DIAPH1: variants seen among roughly 807,000 people sequenced by gnomAD.
The protein encoded by DIAPH1 is protein diaphanous homolog 1.
Under a neutral mutation model 140.7 loss-of-function variants are expected in DIAPH1, and 46 were observed. The ratio of observed to expected loss-of-function variants is 0.33; its 90% CI spans 0.26 to 0.42. The LOEUF (loss-of-function observed/expected upper bound fraction) is 0.42, where lower values mean the gene tolerates loss of function less well. DIAPH1 is among the 10% of genes least tolerant of loss of function. DIAPH1 has a pLI of 1.00. For synonymous variants in DIAPH1, 565 were observed against 551.6 expected, an observed-to-expected ratio of 1.02 and a Z score of -0.34; for missense variants, 1,310 against 1,558.7, an observed-to-expected ratio of 0.84 and a Z score of 2.69.
chr5:141,534,033 CAAAAAAAAAAA>C (rs35815835), intron 19 of DIAPH1, among the ~76,000 whole-genome samples: 3 of 49,984 alleles, frequency 6.0e-5, no homozygotes, highest in South Asian at 1.0e-3. Flanking sequence ...GACTGTGTCT[CAAAAAAAAAAA>C]AAAAAAAAAA....
intron 19 of DIAPH1, 106 bp from the exon 20 acceptor site, chr5:141,529,803 G>C: frequency 1.0e-6 from 1 of 985,944 alleles, no homozygotes; most frequent in Non-Finnish European, 1.6e-6. Flanking sequence ...GCTCTTTTAG[G>C]CCAGGCACAG....
chr5:141,566,068 GAA>G (rs1404830885), intron 18 of DIAPH1, among the ~76,000 whole-genome samples: 6 of 152,342 alleles, frequency 3.9e-5, no homozygotes, highest in Non-Finnish European at 5.9e-5. Context: ...TTAGCTCAGG[GAA>G]AGAGTGAAGT....
chr5:141,566,120 A>C (rs1269033468), intron 18 of DIAPH1, among the ~76,000 whole-genome samples: 1 of 152,206 alleles, frequency 6.6e-6, no homozygotes, highest in Non-Finnish European at 1.5e-5. Flanking sequence ...GGTAGGACAA[A>C]TGGATTAGCG....
chr5:141,521,271 T>C (rs2099886497), intron 27 of DIAPH1, among the ~76,000 whole-genome samples: 1 of 152,204 alleles, frequency 6.6e-6, no homozygotes, highest in Non-Finnish European at 1.5e-5. Context: ...AATTTCTTTC[T>C]TCCCTTGGCT....
rs574463764 is a variant in DIAPH1, at chr5:141,534,221, A to G, written c.2581+114T>C. 171 of 823,336 alleles carry G rather than the reference A, an allele frequency of 2.1e-4. No individual in the cohort carries two copies. In the East Asian group the frequency reaches 4.3e-3, roughly 21 times the overall value. 51.0% of individuals were successfully genotyped at this position (823,336 alleles called of 1,614,324 possible). A position where few individuals can be genotyped will look rare whatever the true frequency, so the allele number is the denominator to read the frequency against. On this transcript the variant is annotated intron_variant, in intron 19 of 27. Transcript: ENST00000389054. ...ATTCACTGTGCAATGGTTGGTATAT[A>G]GCAGGAATTGAACAATTAAAGTTCC...
intron 18 of DIAPH1, chr5:141,564,179 T>C (rs2099894027): frequency 6.6e-6 from 1 of 152,242 alleles, no homozygotes; most frequent in Non-Finnish European, 1.5e-5. Flanking sequence ...TTGAAAATAC[T>C]AGCTGCAACA....
rs978344649 is a variant in DIAPH1 at position 141,562,625 on chromosome 5, A to G, written c.2482+8803T>C. Among the ~76,000 whole-genome samples, 572 of 97,904 alleles carry G rather than the reference A, an allele frequency of 5.8e-3. 12 individuals carry two copies. The highest frequency in any genetic ancestry group is 0.021 in the Admixed American group (163 of 7,656). 64.2% of individuals were successfully genotyped at this position (97,904 alleles called of 152,430 possible). On this transcript the variant is annotated intron_variant, in intron 18 of 27. Coordinates refer to ENST00000389054, the MANE Select transcript of DIAPH1 (RefSeq NM_005219.5). ...CCTATGCAAAAAAAAAAAAACAAAC[A>G]AAAAAAAACAGATAACAGAGAAGCT...
rs182139018 is a variant in DIAPH1 at position 141,574,114 on chromosome 5, C to G, written c.1736G>C (p.Arg579Pro). 3 of 1,613,770 alleles carry G rather than the reference C, an allele frequency of 1.9e-6. No homozygotes were observed. Among genetic ancestry groups the G allele is most frequent in the African/African-American group, 2.7e-5 (2 of 74,814 alleles). Residue 579 changes from arginine to proline, a missense_variant, in exon 16 of 28, where the codon CGT (arginine) becomes CCT (proline). Arg to Pro is a moderately radical substitution (Grantham distance 103). Transcript: ENST00000389054. ...AGGAGGGGCAGGGGGAACAGGAGCA[C>G]GACTAGGAACAGAAGGAGGTACAGT... ...AITVPPSVPS[R>P]APVPPAPPLP...
chr5:141,527,105 G>A (rs982223893), intron 24 of DIAPH1, among the ~76,000 whole-genome samples: 6 of 152,302 alleles, frequency 3.9e-5, no homozygotes, highest in Admixed American at 3.3e-4. Flanking sequence ...GTGTGAGCGT[G>A]TGTAGTGGAG....
At chr5:141,549,129 A>G (rs917860234) in intron 18 of DIAPH1, among the ~76,000 whole-genome samples, 7 of 152,156 alleles carry the variant, frequency 4.6e-5, no homozygotes, top group African/African-American at 2.4e-5. Context: ...TGGAGTTACA[A>G]AACATACTAA....
intron 11 of DIAPH1, 105 bp from the exon 12 acceptor site, chr5:141,577,696 C>T (rs1449563151): frequency 1.5e-5 from 12 of 775,506 alleles, no homozygotes; most frequent in Non-Finnish European, 2.3e-5. Flanking sequence ...CAAGACACCA[C>T]TTCCATTCTA....
intron 2 of DIAPH1, 145 bp downstream of exon 2, chr5:141,588,079 A>T: frequency 1.4e-6 from 1 of 733,932 alleles, no homozygotes; most frequent in East Asian, 2.7e-5. Flanking sequence ...AAACACAGCA[A>T]AGAGTTAGGA....
intron 21 of DIAPH1, 29 bp from the exon 22 acceptor site, chr5:141,528,970 C>T: frequency 6.2e-7 from 1 of 1,613,594 alleles, no homozygotes. Flanking sequence ...AGTTCCATTA[C>T]AGTCAAAAGA....
chr5:141,582,279 T>A (rs764437659), intron 7 of DIAPH1, 33 bp downstream of exon 7: 2 of 1,560,874 alleles, frequency 1.3e-6, no homozygotes, highest in Non-Finnish European at 1.8e-6. Context: ...GGCGTCCAGA[T>A]GGGGTTTGGA....
At chr5:141,518,979 A>AG in intron 27 of DIAPH1, 1 of 1,550,706 alleles carries the variant, frequency 6.4e-7, no homozygotes, top group Non-Finnish European at 8.7e-7. Flanking sequence ...TCTACTTCCC[A>AG]GGGGCACAAG....
At position 141,583,605 on chromosome 5, in the gene DIAPH1, T is replaced by C. The variant is rs1337954890; in HGVS notation, c.413A>G (p.Gln138Arg). The C allele has an allele frequency of 1.2e-6, 2 of 1,614,268 alleles. No individual in the cohort carries two copies. The highest frequency in any genetic ancestry group is 3.3e-5 in the Admixed American group (2 of 60,032). The change falls in exon 5 of 28, where the codon CAG becomes CGG. Residue 138 changes from glutamine to arginine, a missense_variant. Gln to Arg is a conservative substitution (Grantham distance 43). Around this residue, in one of 3 missense-constraint regions of DIAPH1, gnomAD observed 377 missense variants for 497.1 expected, o/e 0.76. Transcript: ENST00000389054. ...CATGGCAGACTTAGAGCTCTCCTTC[T>C]GGCTCATGCCCTAGACAGAAGGCAT... Reference protein sequence around the residue: ...YLYTSKAGMSQKESSKSAMMY... With the variant: ...YLYTSKAGMSRKESSKSAMMY...
intron 5 of DIAPH1, 95 bp downstream of exon 5, chr5:141,583,390 T>C (rs1023115168): frequency 1.9e-6 from 3 of 1,608,032 alleles, no homozygotes; most frequent in Non-Finnish European, 2.6e-6. Context: ...CAATTCAGAC[T>C]ATTCTCATGC....
chr5:141,550,276 A>C (rs1056394762), intron 18 of DIAPH1, among the ~76,000 whole-genome samples: 8 of 152,346 alleles, frequency 5.3e-5, no homozygotes, highest in African/African-American at 7.2e-5. Flanking sequence ...ACACGAGACA[A>C]ATCCAAACTG....
intron 18 of DIAPH1, among the ~76,000 whole-genome samples, chr5:141,539,430 G>GTTT (rs374210300): frequency 7.6e-6 from 1 of 131,842 alleles, no homozygotes; most frequent in African/African-American, 2.7e-5. Context: ...TTTTTTTTTT[G>GTTT]TTTTTTTTTT....
Sources: gnomAD v4.1 joint callset for allele counts (sites outside exome capture counted in the v4.1 genomes callset) on GRCh38, gnomAD v4.1.1 for gene constraint, gnomAD v4.1.1 regional missense constraint, MANE v1.5 for transcripts, NCBI Gene and HGNC (gene_info 2026-07-23, HGNC 2026-07-21) for gene names.